DCLRE1C: variants seen among roughly 807,000 people sequenced by gnomAD.
DCLRE1C encodes protein artemis.
Under a neutral mutation model 61.4 loss-of-function variants are expected in DCLRE1C, and 47 were observed. That is an observed-to-expected ratio of 0.77 (90% CI 0.61 to 0.98). The LOEUF (loss-of-function observed/expected upper bound fraction) is 0.98. Ranked by LOEUF, DCLRE1C falls within the 50% of genes least tolerant of loss-of-function variation. The pLI is 0.00. For synonymous variants in DCLRE1C, 337 were observed against 287.6 expected (o/e 1.17, Z -1.74); for missense variants, 858 against 816.0 (o/e 1.05, Z -0.63).
chr10:14,921,981 C>T (rs542870365), intron 12 of DCLRE1C, among the ~76,000 whole-genome samples: 3 of 152,346 alleles, frequency 2.0e-5, no homozygotes, highest in Admixed American at 6.5e-5. Context: ...TCGGGGTCTG[C>T]GAAGCAGATT....
intron 4 of DCLRE1C, among the ~76,000 whole-genome samples, chr10:14,937,580 G>T (rs1051860577): frequency 6.6e-6 from 1 of 151,814 alleles, no homozygotes; most frequent in South Asian, 2.1e-4. Context: ...CACCAAGCCC[G>T]GCCACTATTT....
rs750020058 is a variant in DCLRE1C at position 14,908,165 on chromosome 10, CTTTTTTTTTTTTT to C, written c.*230_*242del. The C allele has an allele frequency of 7.1e-5, 14 of 197,858 alleles. 1 individual carries two copies. The highest frequency in any genetic ancestry group is 1.1e-4 in the Non-Finnish European group (13 of 121,636). 12.3% of individuals were successfully genotyped at this position (197,858 alleles called of 1,614,324 possible). A position where few individuals can be genotyped will look rare whatever the true frequency, so the allele number is the denominator to read the frequency against. ...CAGAGTAGCCCACCACCATGCCTGG[CTTTTTTTTTTTTT>C]TTTTTTTTTGTAAGTAGAGACACAT... On this transcript the variant is annotated 3_prime_UTR_variant, in exon 14 of 14. Coordinates refer to ENST00000378278, the MANE Select transcript of DCLRE1C (RefSeq NM_001033855.3).
chr10:14,945,863 G>A (rs1426160979), intron 2 of DCLRE1C, among the ~76,000 whole-genome samples: 1 of 151,036 alleles, frequency 6.6e-6, no homozygotes, highest in African/African-American at 2.4e-5. Flanking sequence ...TGACCACGTT[G>A]GCCAGGCTGG....
At chr10:14,937,079 T>A (rs529586069) in intron 4 of DCLRE1C, among the ~76,000 whole-genome samples, 2 of 152,294 alleles carry the variant, frequency 1.3e-5, no homozygotes, top group East Asian at 3.9e-4. Context: ...TCCACTCATA[T>A]GAAATATCCG....
chr10:14,950,305 A>T (rs891757912), intron 1 of DCLRE1C, among the ~76,000 whole-genome samples: 1 of 148,282 alleles, frequency 6.7e-6, no homozygotes, highest in African/African-American at 2.5e-5. Context: ...GTACCATTGC[A>T]CTCCAGCCTG....
At chr10:14,939,409 A>G (rs1589103146) in intron 4 of DCLRE1C, among the ~76,000 whole-genome samples, 1 of 148,008 alleles carries the variant, frequency 6.8e-6, no homozygotes, top group African/African-American at 2.5e-5. Flanking sequence ...ACACCACTGC[A>G]CTCCAGCCTG....
intron 1 of DCLRE1C, among the ~76,000 whole-genome samples, chr10:14,951,696 A>G (rs1287807271): frequency 6.6e-6 from 1 of 152,126 alleles, no homozygotes; most frequent in African/African-American, 2.4e-5. Context: ...ATGCACTCAC[A>G]TGGCTTTCCT....
chr10:14,954,150 T>C, upstream of DCLRE1C: 2 of 1,451,224 alleles, frequency 1.4e-6, no homozygotes, highest in African/African-American at 1.4e-5. Context: ...ATCAGAGGAG[T>C]CCGGAGACCG....
intron 11 of DCLRE1C, chr10:14,923,359 G>A (rs1229814184): frequency 2.9e-6 from 1 of 349,758 alleles, no homozygotes; most frequent in African/African-American, 2.1e-5. Context: ...TCACCAATGG[G>A]ACTCAAAGAT....
At position 14,924,590 on chromosome 10, in the gene DCLRE1C, T is replaced by C. The variant is rs111421266; in HGVS notation, c.973-1521A>G. ...CAGGCCAGGCGTGGTGGCTCACACC[T>C]GTAATTCCAGCACTTTGGGAGGCCG... On this transcript the variant is annotated intron_variant, in intron 11 of 13. Transcript: ENST00000378278. Among the ~76,000 whole-genome samples, 192 of 152,326 alleles carry C rather than the reference T, an allele frequency of 1.3e-3. 1 individual carries two copies. The highest frequency in any genetic ancestry group is 4.3e-3 in the African/African-American group (178 of 41,562).
intron 9 of DCLRE1C, among the ~76,000 whole-genome samples, chr10:14,928,798 T>G (rs1390371219): frequency 7.0e-6 from 1 of 143,120 alleles, no homozygotes; most frequent in Non-Finnish European, 1.5e-5. Context: ...TTTTTTTTTT[T>G]TTTTTAGACA....
rs1367068738 is a variant in DCLRE1C, at chr10:14,936,566, G to A, written c.334C>T (p.Pro112Ser). The A allele has an allele frequency of 5.0e-6, 8 of 1,613,180 alleles. No homozygotes were observed. Among genetic ancestry groups the A allele is most frequent in the Admixed American group, 3.3e-5 (2 of 59,994 alleles). The change falls in exon 5 of 14, where the codon CCA becomes TCA. Residue 112 changes from proline (P) to serine (S), a missense_variant. Pro to Ser is a moderately conservative substitution (Grantham distance 74). Coordinates refer to ENST00000378278, the MANE Select transcript of DCLRE1C (RefSeq NM_001033855.3). ...ACTGATCCCGGACAGTGACCAGCTG[G>A]TAAGAGAGTCACAACAATCTCTTCC... ...EKEEIVVTLL[P>S]AGHCPGSVMF...
chr10:14,925,704 C>A (rs1390324803), intron 11 of DCLRE1C, among the ~76,000 whole-genome samples: 1 of 152,152 alleles, frequency 6.6e-6, no homozygotes, highest in African/African-American at 2.4e-5. Flanking sequence ...ACAGTCCTCC[C>A]GTGCTTAGGA....
rs751800247 is a variant in DCLRE1C, at chr10:14,939,829, A to G, written c.287T>C (p.Val96Ala). 4 of 1,597,052 alleles carry G rather than the reference A, an allele frequency of 2.5e-6. No homozygotes were observed. Among genetic ancestry groups the G allele is most frequent in the South Asian group, 2.2e-5 (2 of 90,014 alleles). The change falls in exon 4 of 14, where the codon GTG becomes GCG. Residue 96 changes from valine (V) to alanine (A), a missense_variant. By Grantham distance (64) the Val-to-Ala change is moderately conservative. Transcript: ENST00000378278. ...AGTTACCTCTCCTGATGCTTCATCCACTAAAGATATCTGGGTAGGAGTCTC... is the reference window on the plus strand; with the variant it reads ...AGTTACCTCTCCTGATGCTTCATCCGCTAAAGATATCTGGGTAGGAGTCTC... Reference protein sequence around the residue: ...EIETPTQISLVDEASGEKEEI... With the variant: ...EIETPTQISLADEASGEKEEI...
At position 14,904,977 on chromosome 10, in the gene DCLRE1C, T is replaced by A. The variant is rs973967136; in HGVS notation, c.*3431A>T. Reference sequence around the variant, plus strand: ...CCATATCTAAAATGTAGACAATAGTTGTTTCTCTTTTAGTTCATCAGTTTC... The same window carrying A: ...CCATATCTAAAATGTAGACAATAGTAGTTTCTCTTTTAGTTCATCAGTTTC... On this transcript the variant is annotated 3_prime_UTR_variant, in exon 14 of 14. Transcript: ENST00000378278. Among the ~76,000 whole-genome samples the A allele has an allele frequency of 3.9e-5, 6 of 152,256 alleles. No individual in the cohort carries two copies. Among genetic ancestry groups the A allele is most frequent in the African/African-American group, 1.4e-4 (6 of 41,470 alleles).
At chr10:14,897,525 T>C in exon 14 of DCLRE1C, 2 of 1,514,676 alleles carry the variant, frequency 1.3e-6, no homozygotes, top group Middle Eastern at 1.8e-4. Flanking sequence ...GAGGTATGTT[T>C]CATTTGCCAC....
intron 8 of DCLRE1C, among the ~76,000 whole-genome samples, chr10:14,933,756 G>C (rs1161331959): frequency 5.9e-5 from 9 of 152,150 alleles, no homozygotes; most frequent in South Asian, 2.1e-4. Context: ...TTCAATGCTG[G>C]TCACAATCAC....
In DCLRE1C at chr10:14,943,392, C is replaced by G. The variant is rs537542899; in HGVS notation, c.246+1713G>C. ...TTCAAACCTTGTCTTTCTTTGCCTT[C>G]TAGTCTACTTTCTGATATTAAAAAC... On this transcript the variant is annotated intron_variant, in intron 3 of 13. Coordinates refer to ENST00000378278, the MANE Select transcript of DCLRE1C (RefSeq NM_001033855.3). Among the ~76,000 whole-genome samples, 474 of 152,266 alleles carry G rather than the reference C, an allele frequency of 3.1e-3. 5 individuals carry two copies. The highest frequency in any genetic ancestry group is 0.011 in the African/African-American group (456 of 41,540).
intron 13 of DCLRE1C, among the ~76,000 whole-genome samples, chr10:14,916,401 C>CA (rs1285891405): frequency 6.6e-6 from 1 of 152,152 alleles, no homozygotes; most frequent in African/African-American, 2.4e-5. Flanking sequence ...GATACAAGAT[C>CA]AAAAATCAAT....
Sources: allele counts gnomAD v4.1 joint callset (sites outside exome capture counted in the v4.1 genomes callset), GRCh38; gene constraint gnomAD v4.1.1; transcripts MANE v1.5; gene names NCBI Gene and HGNC (gene_info 2026-07-23, HGNC 2026-07-21).